Variants in KHDRBS2 observed in about 807,000 individuals in gnomAD.
KHDRBS2 encodes the protein KH RNA binding domain containing, signal transduction associated 2, also known as KH domain-containing, RNA-binding, signal transduction-associated protein 2.
In KHDRBS2, 26 loss-of-function variants were observed where a neutral mutation model predicts 44.3. The ratio of observed to expected loss-of-function variants is 0.59; its 90% CI spans 0.43 to 0.81. The LOEUF (loss-of-function observed/expected upper bound fraction) is 0.81. Ranked by LOEUF, KHDRBS2 falls within the 40% of genes least tolerant of loss-of-function variation. The pLI, the probability that KHDRBS2 is intolerant of heterozygous loss-of-function variation, is 0.00. For missense variants in KHDRBS2, 476 were observed against 433.1 expected (o/e 1.10, Z -0.88); for synonymous variants, 194 against 151.1 (o/e 1.28, Z -2.08).
At position 62,229,445 on chromosome 6, in the gene KHDRBS2, C is replaced by T. The variant is rs1832521087; in HGVS notation, c.92-52133G>A. Among the ~76,000 whole-genome samples, 3 of 152,282 alleles carry T rather than the reference C, an allele frequency of 2.0e-5. No homozygotes were observed. The South Asian group carries it at 6.2e-4, about 32-fold the overall frequency. The stretch of plus-strand genomic sequence containing the variant: ...TCTGGGAGATTAGTGTGTTAGGCAG[C>T]TATCAGTCCCAGTGTTGGACATTGC... On this transcript the variant is annotated intron_variant, in intron 1 of 8. Transcript: ENST00000281156.
chr6:61,788,894 C>T (rs1333463929), intron 6 of KHDRBS2, among the ~76,000 whole-genome samples: 2 of 150,038 alleles, frequency 1.3e-5, no homozygotes, highest in East Asian at 3.9e-4. Context: ...TATATTTAAC[C>T]CAAGATACAT....
chr6:61,732,583 C>G (rs1774653989), intron 7 of KHDRBS2, 99 bp downstream of exon 7: 1 of 745,064 alleles, frequency 1.3e-6, no homozygotes, highest in Non-Finnish European at 2.4e-6. Flanking sequence ...AAAAACACTA[C>G]TAGAAATTCT....
chr6:62,259,083 A>G (rs529540826), intron 1 of KHDRBS2, among the ~76,000 whole-genome samples: 12 of 152,198 alleles, frequency 7.9e-5, no homozygotes, highest in Non-Finnish European at 1.5e-4. Flanking sequence ...TGTATTTCAA[A>G]AGACAAAGAA....
At chr6:62,144,122 C>A (rs1295808790) in intron 2 of KHDRBS2, among the ~76,000 whole-genome samples, 1 of 151,730 alleles carries the variant, frequency 6.6e-6, no homozygotes, top group Non-Finnish European at 1.5e-5. Flanking sequence ...CTTAATTTTA[C>A]CTGTGTTTCA....
chr6:61,738,255 A>G (rs1391861392), intron 6 of KHDRBS2, among the ~76,000 whole-genome samples: 1 of 152,044 alleles, frequency 6.6e-6, no homozygotes, highest in African/African-American at 2.4e-5. Context: ...TTCTAAATAA[A>G]TTAACAATTT....
intron 2 of KHDRBS2, among the ~76,000 whole-genome samples, chr6:62,070,625 T>A (rs1794813817): frequency 6.6e-6 from 1 of 152,098 alleles, no homozygotes. Context: ...TTGCTGAGAA[T>A]GATGGTTTCC....
At chr6:62,240,672 GTATATATATATA>G (rs4036655) in intron 1 of KHDRBS2, among the ~76,000 whole-genome samples, 1,411 of 64,128 alleles carry the variant, frequency 0.022, 34 homozygotes, top group African/African-American at 0.068. Flanking sequence ...ATGTGTGTGT[GTATATATATATA>G]TATATATATA....
rs150717074 is a variant in KHDRBS2 at position 62,246,102 on chromosome 6, T to TTATATATATATA, written c.91+39744_91+39755dup. Reference sequence around the variant, plus strand: ...CATAGAAACATTAATTCAATCAATTTTATATATATATATATATATATATAT... The same window carrying TTATATATATATA: ...CATAGAAACATTAATTCAATCAATTTTATATATATATATATATATATATATATATATATATAT... On this transcript the variant is annotated intron_variant, in intron 1 of 8. Transcript: ENST00000281156. Among the ~76,000 whole-genome samples, 483 of 124,242 alleles carry TTATATATATATA rather than the reference T, an allele frequency of 3.9e-3. 2 individuals carry two copies. Among genetic ancestry groups the TTATATATATATA allele is most frequent in the South Asian group, 6.3e-3 (23 of 3,636 alleles). 81.5% of individuals were successfully genotyped at this position (124,242 alleles called of 152,430 possible).
chr6:61,626,413 T>C, the KHDRBS2 span, among the ~76,000 whole-genome samples: 3 of 152,230 alleles, frequency 2.0e-5, no homozygotes, highest in East Asian at 5.8e-4. Context: ...ACATGCCAAA[T>C]AGGGTAATTA....
chr6:61,810,013 A>G (rs1787854014), intron 6 of KHDRBS2, among the ~76,000 whole-genome samples: 1 of 152,136 alleles, frequency 6.6e-6, no homozygotes, highest in Non-Finnish European at 1.5e-5. Context: ...TGGAGGTCCC[A>G]CAGGGTCTTA....
At chr6:61,702,262 T>A (rs1164100260) in intron 7 of KHDRBS2, among the ~76,000 whole-genome samples, 1 of 151,966 alleles carries the variant, frequency 6.6e-6, no homozygotes, top group African/African-American at 2.4e-5. Context: ...TTGTTTATCC[T>A]CTATTTCCTT....
chr6:62,135,713 A>G (rs1811368071), intron 2 of KHDRBS2, among the ~76,000 whole-genome samples: 1 of 152,204 alleles, frequency 6.6e-6, no homozygotes, highest in Non-Finnish European at 1.5e-5. Flanking sequence ...ACACACACAC[A>G]CATACAATGG....
Position 62,193,140 on chromosome 6 carries a change from GGTATGT to G in KHDRBS2, c.92-15834_92-15829del, listed in dbSNP as rs567491539. On this transcript the variant is annotated intron_variant, in intron 1 of 8. Transcript: ENST00000281156. Reference sequence around the variant, plus strand: ...TTTAAAACGAATATATATGTATATAGGTATGTGTATATCTCTATATGTATAGATATA... The same window carrying G: ...TTTAAAACGAATATATATGTATATAGGTATATCTCTATATGTATAGATATA... Among the ~76,000 whole-genome samples the G allele has an allele frequency of 9.2e-5, 14 of 151,990 alleles. No homozygotes were observed. The South Asian group carries it at 2.9e-3, about 32-fold the overall frequency.
intron 2 of KHDRBS2, among the ~76,000 whole-genome samples, chr6:62,078,113 A>C (rs1184336543): frequency 6.6e-6 from 1 of 152,046 alleles, no homozygotes; most frequent in Admixed American, 6.6e-5. Context: ...TGCTTGTAAA[A>C]TCACCTAGTC....
the KHDRBS2 span, among the ~76,000 whole-genome samples, chr6:61,647,878 C>T: frequency 6.6e-6 from 1 of 152,086 alleles, no homozygotes; most frequent in Admixed American, 6.6e-5. Flanking sequence ...ACAGACTTCA[C>T]AATATTAGTT....
chr6:61,685,059 A>G (rs1342268366), intron 8 of KHDRBS2, among the ~76,000 whole-genome samples: 1 of 151,794 alleles, frequency 6.6e-6, no homozygotes, highest in South Asian at 2.1e-4. Context: ...CTGAAATTTC[A>G]TAGGTTATGA....
the KHDRBS2 span, among the ~76,000 whole-genome samples, chr6:61,646,967 C>T: frequency 6.6e-6 from 1 of 151,698 alleles, no homozygotes; most frequent in Non-Finnish European, 1.5e-5. Flanking sequence ...TTACAGGCAC[C>T]CACCACCATG....
chr6:62,284,020 C>T (rs1054167801), intron 1 of KHDRBS2, among the ~76,000 whole-genome samples: 2 of 152,042 alleles, frequency 1.3e-5, no homozygotes, highest in Admixed American at 1.3e-4. Flanking sequence ...CTTCCCCCTG[C>T]TGGGAAAAAA....
In KHDRBS2 at chr6:61,883,112, A is replaced by C. The variant is rs73478961; in HGVS notation, c.810+11523T>G. On this transcript the variant is annotated intron_variant, in intron 6 of 8. Transcript: ENST00000281156. ...CATAGCTTTTTAGGAATATACCCATAGAAATAAATCAAGGCTCAAATCACT... is the reference window on the plus strand; with the variant it reads ...CATAGCTTTTTAGGAATATACCCATCGAAATAAATCAAGGCTCAAATCACT... Among the ~76,000 whole-genome samples the C allele has an allele frequency of 1.7e-3, 264 of 152,208 alleles. 1 individual carries two copies. Among genetic ancestry groups the C allele is most frequent in the African/African-American group, 6.0e-3 (251 of 41,568 alleles).
Sources: allele counts gnomAD v4.1 joint callset (sites outside exome capture counted in the v4.1 genomes callset), GRCh38; gene constraint gnomAD v4.1.1; transcripts MANE v1.5; gene names NCBI Gene and HGNC (gene_info 2026-07-23, HGNC 2026-07-21).